Variants in ARID4B observed in about 807,000 individuals in gnomAD.
ARID4B encodes AT-rich interactive domain-containing protein 4B.
In ARID4B, 26 loss-of-function variants were observed where a neutral mutation model predicts 147.5. The observed-to-expected ratio is 0.18, with a 90% CI of 0.13 to 0.24. The LOEUF is 0.24. Among genes scored for constraint, ARID4B ranks in the 10% least tolerant of loss-of-function variants. ARID4B has a pLI of 1.00. For missense variants in ARID4B, 1,179 were observed against 1,511.5 expected, an observed-to-expected ratio of 0.78 and a Z score of 3.65; for synonymous variants, 512 against 507.9, an observed-to-expected ratio of 1.01 and a Z score of -0.11.
At chr1:235,224,006 T>C (rs1339124111) in intron 12 of ARID4B, among the ~76,000 whole-genome samples, 1 of 152,198 alleles carries the variant, frequency 6.6e-6, no homozygotes, top group Non-Finnish European at 1.5e-5. Context: ...TATACTTATA[T>C]TGTGTTAGGC....
chr1:235,244,806 TG>T (rs1669200056), intron 7 of ARID4B, among the ~76,000 whole-genome samples: 1 of 152,162 alleles, frequency 6.6e-6, no homozygotes, highest in African/African-American at 2.4e-5. Flanking sequence ...GAAGAGGAAA[TG>T]AAGGTCAGAT....
intron 19 of ARID4B, among the ~76,000 whole-genome samples, chr1:235,190,430 AGAGT>A (rs1399922821): frequency 1.3e-5 from 2 of 151,718 alleles, no homozygotes; most frequent in African/African-American, 4.8e-5. Context: ...CTTGGCCAAC[AGAGT>A]GAGATTCCAT....
At chr1:235,256,031 A>G (rs946297331) in intron 4 of ARID4B, among the ~76,000 whole-genome samples, 1 of 151,926 alleles carries the variant, frequency 6.6e-6, no homozygotes, top group African/African-American at 2.4e-5. Flanking sequence ...AAAATTGGGC[A>G]GGCGTGGTGG....
intron 22 of ARID4B, among the ~76,000 whole-genome samples, chr1:235,173,724 T>C (rs1247877366): frequency 9.3e-5 from 9 of 96,374 alleles, no homozygotes; most frequent in Non-Finnish European, 1.5e-4. Flanking sequence ...GGCAACATAA[T>C]GAGACCTCGT....
At chr1:235,264,553 G>A (rs1267494811) in intron 2 of ARID4B, among the ~76,000 whole-genome samples, 1 of 152,114 alleles carries the variant, frequency 6.6e-6, no homozygotes, top group African/African-American at 2.4e-5. Flanking sequence ...GTTTTTGTAG[G>A]CTACTGAACC....
At chr1:235,265,829 T>C (rs887006374) in intron 2 of ARID4B, among the ~76,000 whole-genome samples, 1 of 152,196 alleles carries the variant, frequency 6.6e-6, no homozygotes, top group Non-Finnish European at 1.5e-5. Flanking sequence ...ATAACAGTTC[T>C]GTCACAAGGA....
intron 17 of ARID4B, among the ~76,000 whole-genome samples, chr1:235,206,706 A>T (rs1389082583): frequency 1.3e-5 from 2 of 152,210 alleles, no homozygotes; most frequent in East Asian, 3.8e-4. Context: ...GGTACGTAAG[A>T]GGGCAAGAAA....
In ARID4B at chr1:235,273,942, C is replaced by T. The variant is rs377104775; in HGVS notation, c.7-13190G>A. On this transcript the variant is annotated intron_variant, in intron 2 of 23. Coordinates refer to ENST00000264183, the MANE Select transcript of ARID4B (RefSeq NM_016374.6). Reference sequence around the variant, plus strand: ...TATCACTTACTGTGAACTCCATCTCCGTTGTTTTATAATCAAACCTGCAAC... The same window carrying T: ...TATCACTTACTGTGAACTCCATCTCTGTTGTTTTATAATCAAACCTGCAAC... Among the ~76,000 whole-genome samples, 68 of 152,294 alleles carry T rather than the reference C, an allele frequency of 4.5e-4. No individual in the cohort carries two copies. In the South Asian group the frequency reaches 0.014, roughly 31 times the overall value.
intron 19 of ARID4B, among the ~76,000 whole-genome samples, chr1:235,190,320 C>T (rs1459194610): frequency 6.6e-6 from 1 of 151,958 alleles, no homozygotes; most frequent in Non-Finnish European, 1.5e-5. Context: ...TGGTGGCAGG[C>T]CCCTGCAATC....
At chr1:235,307,170 G>A (rs1673632367) in intron 2 of ARID4B, among the ~76,000 whole-genome samples, 2 of 152,356 alleles carry the variant, frequency 1.3e-5, no homozygotes, top group Non-Finnish European at 2.9e-5. Flanking sequence ...CTGGCTGGGT[G>A]CAGTGGCTGA....
chr1:235,186,259 G>A (rs753398288), intron 19 of ARID4B, among the ~76,000 whole-genome samples: 7 of 152,008 alleles, frequency 4.6e-5, no homozygotes, highest in South Asian at 2.1e-4. Context: ...GAGCCACCGC[G>A]CCTGGCCTCT....
At chr1:235,187,074 A>ATT in intron 19 of ARID4B, 2 of 304,112 alleles carry the variant, frequency 6.6e-6, no homozygotes, top group Non-Finnish European at 6.1e-6. Flanking sequence ...ACTGCATCTT[A>ATT]TTCTTTTTTT....
rs577987244 is a variant in ARID4B at position 235,323,720 on chromosome 1, G to A, written c.6+3194C>T. Among the ~76,000 whole-genome samples, 3 of 151,628 alleles carry A rather than the reference G, an allele frequency of 2.0e-5. No individual in the cohort carries two copies. In the East Asian group the frequency reaches 6.0e-4, roughly 30 times the overall value. On this transcript the variant is annotated intron_variant, in intron 2 of 23. Coordinates refer to ENST00000264183, the MANE Select transcript of ARID4B (RefSeq NM_016374.6). ...AACTGCTTGAACCTGGGAGGCAGAG[G>A]TTGCAGTGAGCCGAGATCGCACCAC...
chr1:235,197,029 C>T (rs1665555474), intron 17 of ARID4B, among the ~76,000 whole-genome samples: 1 of 151,878 alleles, frequency 6.6e-6, no homozygotes, highest in Admixed American at 6.6e-5. Context: ...GCTGAGTCAA[C>T]AGCTGTGATG....
chr1:235,223,757 A>C (rs1667658837), intron 12 of ARID4B, among the ~76,000 whole-genome samples: 1 of 150,814 alleles, frequency 6.6e-6, no homozygotes, highest in Non-Finnish European at 1.5e-5. Flanking sequence ...ACCATGAGAA[A>C]GTGGTAGAGG....
chr1:235,221,485 A>T, intron 14 of ARID4B, 80 bp downstream of exon 14: 1 of 720,694 alleles, frequency 1.4e-6, no homozygotes, highest in Non-Finnish European at 2.3e-6. Flanking sequence ...AGAAATAATT[A>T]ACCTCAGTTA....
At chr1:235,255,384 T>A (rs10218726) in intron 5 of ARID4B, among the ~76,000 whole-genome samples, 1 of 150,600 alleles carries the variant, frequency 6.6e-6, no homozygotes, top group African/African-American at 2.4e-5. Flanking sequence ...TAGGTAAGAT[T>A]GGGGAAAAAA....
chr1:235,236,804 C>T (rs536256532), intron 8 of ARID4B, among the ~76,000 whole-genome samples: 8 of 119,754 alleles, frequency 6.7e-5, no homozygotes, highest in African/African-American at 1.8e-4. Flanking sequence ...TGAGCCGCCG[C>T]GCCTGGCCCA....
chr1:235,310,076 A>C (rs1370129772), intron 2 of ARID4B, among the ~76,000 whole-genome samples: 1 of 151,976 alleles, frequency 6.6e-6, no homozygotes, highest in Non-Finnish European at 1.5e-5. Flanking sequence ...GGAAAACCAG[A>C]GACCTTTGTT....
Sources: gnomAD v4.1 joint callset for allele counts (sites outside exome capture counted in the v4.1 genomes callset) on GRCh38, gnomAD v4.1.1 for gene constraint, MANE v1.5 for transcripts, NCBI Gene and HGNC (gene_info 2026-07-23, HGNC 2026-07-21) for gene names.